BIRC6: variants seen among roughly 807,000 people sequenced by gnomAD.
BIRC6 encodes baculoviral IAP repeat containing 6, also known as dual E2 ubiquitin-conjugating enzyme/E3 ubiquitin-protein ligase BIRC6.
A neutral mutation model predicts 503.3 loss-of-function variants in BIRC6; 98 were observed. That is an observed-to-expected ratio of 0.19 (90% confidence interval 0.17 to 0.23). The LOEUF (loss-of-function observed/expected upper bound fraction) is 0.23. Among genes scored for constraint, BIRC6 ranks in the 10% least tolerant of loss-of-function variants. The probability of loss-of-function intolerance (pLI) is 1.00; values close to 1 mark genes in which losing one functional copy is unlikely to be tolerated. For synonymous variants in BIRC6, 2,240 were observed against 2,078.7 expected (o/e 1.08, Z -2.11); for missense variants, 5,360 against 5,806.0 (o/e 0.92, Z 2.50).
intron 20 of BIRC6, 65 bp downstream of exon 20, chr2:32,443,653 G>C: frequency 8.3e-7 from 1 of 1,210,048 alleles, no homozygotes; most frequent in Non-Finnish European, 1.2e-6. Context: ...TGTATACTTA[G>C]GATTATTTCA....
At chr2:32,542,133 T>TATA (rs1213604243) in intron 61 of BIRC6, among the ~76,000 whole-genome samples, 12 of 151,934 alleles carry the variant, frequency 7.9e-5, no homozygotes, top group Admixed American at 7.9e-4. Context: ...TATATATATA[T>TATA]TTACACATGT....
At chr2:32,488,736 A>G in intron 42 of BIRC6, 22 bp downstream of exon 42, 1 of 1,338,398 alleles carries the variant, frequency 7.5e-7, no homozygotes, top group Non-Finnish European at 1.0e-6. Flanking sequence ...TAGGAGAAAA[A>G]CATTATAGTC....
chr2:32,363,299 G>A (rs2034396105), intron 1 of BIRC6, among the ~76,000 whole-genome samples: 1 of 152,116 alleles, frequency 6.6e-6, no homozygotes, highest in African/African-American at 2.4e-5. Flanking sequence ...GCCAGCCTGG[G>A]CAACAGAGCA....
chr2:32,401,373 C>G lies in BIRC6; in HGVS notation c.1245C>G (p.Ser415=), dbSNP rs2040577791. 6.2e-7 allele frequency: 1 copy of G among 1,613,806 alleles called. No individual in the cohort carries two copies. The highest frequency in any genetic ancestry group is 1.3e-5 in the African/African-American group (1 of 74,922). ...KRGKICIWDV[S]KLMKVHLKFE... is the part of the protein sequence containing the mutation. ...GAAAGATCTGCATATGGGATGTTTC[C>G]AAACTTATGAAGGTATGTTTGAATT... is the stretch of plus-strand genomic sequence containing the variant. Residue 415 remains serine, a synonymous_variant, in exon 7 of 74, where the codon TCC becomes TCG. Transcript: ENST00000421745.
At position 32,470,288 on chromosome 2, in the gene BIRC6, T is replaced by C; in HGVS notation, c.6468T>C (p.His2156=). The change falls in exon 31 of 74, where the codon CAT becomes CAC. Residue 2156 remains histidine, a synonymous_variant. Coordinates refer to ENST00000421745, the MANE Select transcript of BIRC6 (RefSeq NM_016252.4). ...LSPLQPQLPM[H]RRTEGVLDIP... ...CTCTTCAGCCACAGTTACCCATGCATAGGAGGACAGAAGGTATTAAGAGAA... is the reference window on the plus strand; with the variant it reads ...CTCTTCAGCCACAGTTACCCATGCACAGGAGGACAGAAGGTATTAAGAGAA... 2 of 1,572,504 alleles carry C rather than the reference T, an allele frequency of 1.3e-6. No homozygotes were observed. Among genetic ancestry groups the C allele is most frequent in the East Asian group, 2.3e-5 (1 of 43,378 alleles).
intron 65 of BIRC6, among the ~76,000 whole-genome samples, chr2:32,561,323 C>T (rs1303843502): frequency 2.0e-5 from 3 of 151,494 alleles, no homozygotes; most frequent in Non-Finnish European, 2.9e-5. Context: ...CTCACTGCAA[C>T]CTCCACTTCC....
intron 55 of BIRC6, among the ~76,000 whole-genome samples, chr2:32,516,576 A>G (rs1454096522): frequency 1.4e-5 from 2 of 138,740 alleles, no homozygotes; most frequent in Non-Finnish European, 3.1e-5. Flanking sequence ...TCTGGGTGAC[A>G]GAGTGAGACT....
intron 73 of BIRC6, among the ~76,000 whole-genome samples, chr2:32,616,818 G>T (rs531501052): frequency 6.6e-6 from 1 of 152,032 alleles, no homozygotes; most frequent in Non-Finnish European, 1.5e-5. Context: ...TTGAAAGAGT[G>T]TATAGGCTGG....
chr2:32,530,767 G>A (rs2056676514), intron 60 of BIRC6, among the ~76,000 whole-genome samples: 1 of 152,050 alleles, frequency 6.6e-6, no homozygotes, highest in Non-Finnish European at 1.5e-5. Flanking sequence ...TTGGTACATT[G>A]TCTTTGCCCA....
At position 32,501,693 on chromosome 2, in the gene BIRC6, G is replaced by A. The variant is rs1558905208; in HGVS notation, c.9032-20G>A. ...GCTGGATATATATACTTTTAATGTG[G>A]TATCTTTTATTTTTCTTAGGAGCAA... On this transcript the variant is annotated intron_variant, in intron 46 of 73. Coordinates refer to ENST00000421745, the MANE Select transcript of BIRC6 (RefSeq NM_016252.4). 2 of 1,598,398 alleles carry A rather than the reference G, an allele frequency of 1.3e-6. No homozygotes were observed. The highest frequency in any genetic ancestry group is 1.7e-6 in the Non-Finnish European group (2 of 1,172,676).
intron 45 of BIRC6, among the ~76,000 whole-genome samples, chr2:32,497,182 G>C (rs2149409125): frequency 6.6e-6 from 1 of 152,230 alleles, no homozygotes; most frequent in East Asian, 1.9e-4. Flanking sequence ...AATTATATTG[G>C]TGTTTTCTAA....
At position 32,510,530 on chromosome 2, in the gene BIRC6, G is replaced by C; in HGVS notation, c.10242G>C (p.Leu3414Phe). The C allele has an allele frequency of 1.3e-6, 2 of 1,571,584 alleles. No homozygotes were observed. The highest frequency in any genetic ancestry group is 1.7e-5 in the Admixed American group (1 of 59,246). Reference sequence around the variant, plus strand: ...CTTTGGATTCTTTGTTGCAAGATTTGAATAGTCCTTTACTTTTTGGAAGAC... The same window carrying C: ...CTTTGGATTCTTTGTTGCAAGATTTCAATAGTCCTTTACTTTTTGGAAGAC... ...CAASGSDPTDLNSPLLFGRLN... is the reference protein window; with the variant it reads ...CAASGSDPTDFNSPLLFGRLN... The change falls in exon 53 of 74, where the codon TTG becomes TTC. Residue 3414 changes from leucine to phenylalanine, a missense_variant. This residue lies in a region of BIRC6 where 878 missense variants were observed against 928.9 expected (regional missense o/e 0.95). Coordinates refer to ENST00000421745, the MANE Select transcript of BIRC6 (RefSeq NM_016252.4).
At chr2:32,464,452 G>T in intron 24 of BIRC6, 57 bp from the exon 25 acceptor site, 1 of 1,473,482 alleles carries the variant, frequency 6.8e-7, no homozygotes, top group South Asian at 1.4e-5. Context: ...GTGGTATTCT[G>T]CCACAATTTA....
intron 4 of BIRC6, among the ~76,000 whole-genome samples, chr2:32,391,539 A>T (rs1286690064): frequency 6.6e-6 from 1 of 152,214 alleles, no homozygotes; most frequent in African/African-American, 2.4e-5. Flanking sequence ...TTTATAGAAA[A>T]TCATGTGCTA....
intron 23 of BIRC6, among the ~76,000 whole-genome samples, chr2:32,454,798 T>C (rs1021882805): frequency 2.6e-5 from 4 of 152,188 alleles, no homozygotes; most frequent in Admixed American, 6.5e-5. Flanking sequence ...TTGAGTGTCT[T>C]TTTGTTAGGA....
intron 33 of BIRC6, among the ~76,000 whole-genome samples, chr2:32,474,439 A>C (rs2049494183): frequency 6.6e-6 from 1 of 152,236 alleles, no homozygotes; most frequent in African/African-American, 2.4e-5. Flanking sequence ...ATTTGTCTGT[A>C]AAATATCATT....
At chr2:32,381,564 G>C (rs1404908374) in intron 3 of BIRC6, among the ~76,000 whole-genome samples, 1 of 137,594 alleles carries the variant, frequency 7.3e-6, no homozygotes, top group East Asian at 2.1e-4. Context: ...TTTTTGGTTC[G>C]AGACAGAGTC....
intron 73 of BIRC6, among the ~76,000 whole-genome samples, chr2:32,617,139 C>T (rs767889626): frequency 5.8e-4 from 88 of 152,140 alleles, no homozygotes; most frequent in Non-Finnish European, 1.2e-3. Flanking sequence ...TGCATTGGCT[C>T]ACGCCTGTAA....
intron 3 of BIRC6, 102 bp downstream of exon 3, chr2:32,380,392 A>G (rs2037447428): frequency 3.6e-6 from 5 of 1,385,958 alleles, no homozygotes; most frequent in Admixed American, 3.2e-5. Flanking sequence ...TTCTAATTCT[A>G]GATTTTTCTT....
Sources: gnomAD v4.1 joint callset for allele counts (sites outside exome capture counted in the v4.1 genomes callset) on GRCh38, gnomAD v4.1.1 for gene constraint, gnomAD v4.1.1 regional missense constraint, MANE v1.5 for transcripts, NCBI Gene and HGNC (gene_info 2026-07-23, HGNC 2026-07-21) for gene names.